The following B4GALNT2 variants were observed in gnomAD, a reference collection of about 807,000 sequenced individuals.
B4GALNT2 encodes N-acetylneuraminylgalactosylglucosyl-glucoside beta-1,4-N- acetylgalactosaminyltransferase 2.
Under a neutral mutation model 51.1 loss-of-function variants are expected in B4GALNT2, and 42 were observed. The ratio of observed to expected loss-of-function variants is 0.82; its 90% CI spans 0.64 to 1.06. B4GALNT2 has a LOEUF of 1.06. Ranked by LOEUF, B4GALNT2 falls within the 50% of genes least tolerant of loss-of-function variation. The pLI is 0.00. For synonymous variants in B4GALNT2, 253 were observed against 251.7 expected (o/e 1.01, Z -0.05); for missense variants, 602 against 633.6 (o/e 0.95, Z 0.54).
intron 3 of B4GALNT2, among the ~76,000 whole-genome samples, chr17:49,149,645 G>A (rs761306755): frequency 6.6e-6 from 1 of 152,078 alleles, no homozygotes; most frequent in African/African-American, 2.4e-5. Context: ...GTGAGACTTC[G>A]TCTCAGAAAA....
chr17:49,135,669 G>A (rs1013908541), intron 1 of B4GALNT2, among the ~76,000 whole-genome samples: 1 of 152,104 alleles, frequency 6.6e-6, no homozygotes, highest in African/African-American at 2.4e-5. Flanking sequence ...TGTGGTGTGT[G>A]CCTATAGTCC....
rs2042962442 is a variant in B4GALNT2, at chr17:49,172,329, T to C, written c.*2601T>C. On this transcript the variant is annotated 3_prime_UTR_variant, in exon 11 of 11. Transcript: ENST00000393354. Reference sequence around the variant, plus strand: ...TCTTGATGGCACCCAAATTGGCTATTGATTCGGTCCTGGAGAAACACAAGC... The same window carrying C: ...TCTTGATGGCACCCAAATTGGCTATCGATTCGGTCCTGGAGAAACACAAGC... 1.8e-5 allele frequency: 3 copies of C among 165,166 alleles called. 1 individual carries two copies. Among genetic ancestry groups the C allele is most frequent in the Non-Finnish European group, 4.0e-5 (3 of 75,916 alleles). The allele number at this position is 165,166 out of a possible 1,614,324, so 10.2% of individuals were successfully genotyped here.
intron 1 of B4GALNT2, 101 bp from the exon 2 acceptor site, chr17:49,141,146 A>C: frequency 8.9e-7 from 1 of 1,122,562 alleles, no homozygotes; most frequent in Non-Finnish European, 1.3e-6. Context: ...AATATAAGCT[A>C]TGTGCTTAGC....
chr17:49,141,959 G>T, intron 2 of B4GALNT2, 76 bp from the exon 3 acceptor site: 1 of 1,564,256 alleles, frequency 6.4e-7, no homozygotes, highest in South Asian at 1.1e-5. Context: ...CTACACACTG[G>T]ATTAGGACTC....
At chr17:49,149,452 C>G (rs776042180) in intron 3 of B4GALNT2, among the ~76,000 whole-genome samples, 1 of 152,030 alleles carries the variant, frequency 6.6e-6, no homozygotes, top group African/African-American at 2.4e-5. Context: ...TCGATACCAG[C>G]CTGGCCAACA....
chr17:49,142,473 T>C (rs1259980592), intron 3 of B4GALNT2, among the ~76,000 whole-genome samples: 1 of 152,176 alleles, frequency 6.6e-6, no homozygotes, highest in African/African-American at 2.4e-5. Context: ...GAGGATAGCT[T>C]GAGCCCAGGA....
upstream of B4GALNT2, among the ~76,000 whole-genome samples, chr17:49,131,513 C>G (rs2042539093): frequency 8.1e-6 from 1 of 123,882 alleles, no homozygotes; most frequent in Non-Finnish European, 1.7e-5. Flanking sequence ...CTTTTTTTCC[C>G]TTTTTTTGAG....
chr17:49,133,249 G>T, intron 1 of B4GALNT2: 1 of 1,466,026 alleles, frequency 6.8e-7, no homozygotes, highest in Non-Finnish European at 8.9e-7. Context: ...CGGGGACTGC[G>T]GGCTGTGGAC....
chr17:49,132,766 G>C, upstream of B4GALNT2: 3 of 1,387,196 alleles, frequency 2.2e-6, no homozygotes, highest in Non-Finnish European at 2.8e-6. Flanking sequence ...CGTGACATCC[G>C]GCAGTCTGAG....
chr17:49,155,405 C>T (rs905672185), intron 4 of B4GALNT2, among the ~76,000 whole-genome samples: 11 of 149,700 alleles, frequency 7.3e-5, no homozygotes, highest in African/African-American at 2.7e-4. Flanking sequence ...GAGTTTGAAA[C>T]CAGCCTGACC....
intron 4 of B4GALNT2, among the ~76,000 whole-genome samples, chr17:49,156,289 G>A (rs7216319): frequency 0.19 from 28,179 of 152,086 alleles, 3,101 homozygotes; most frequent in South Asian, 0.3. Flanking sequence ...CCCCTTCAGT[G>A]ACAGAGATTC....
rs565454097 is a variant in B4GALNT2, at chr17:49,175,625, G to T, written c.*5897G>T. ...TGTGGCACTACTGGCTGTCGTGGGG[G>T]ACAGACATTGTACAGGGGTGAGGGA... On this transcript the variant is annotated 3_prime_UTR_variant, in exon 11 of 11. Transcript: ENST00000393354. 8 of 152,284 alleles carry T rather than the reference G, an allele frequency of 5.3e-5. No individual in the cohort carries two copies. The East Asian group carries it at 1.5e-3, about 29-fold the overall frequency. 9.4% of individuals were successfully genotyped at this position (152,284 alleles called of 1,614,324 possible).
chr17:49,148,838 A>G (rs1238077452), intron 3 of B4GALNT2: 5 of 271,024 alleles, frequency 1.8e-5, no homozygotes, highest in Non-Finnish European at 3.5e-5. Context: ...CAGGCGGATC[A>G]CGAGGTCAAG....
intron 1 of B4GALNT2, among the ~76,000 whole-genome samples, chr17:49,135,587 C>T (rs940547621): frequency 1.3e-5 from 2 of 151,934 alleles, no homozygotes; most frequent in African/African-American, 4.8e-5. Context: ...ATCTTCCTTG[C>T]TATTCTTATG....
chr17:49,133,039 G>T (rs577387342), intron 1 of B4GALNT2: 1 of 1,495,940 alleles, frequency 6.7e-7, no homozygotes, highest in Admixed American at 2.8e-5. Context: ...GGGAGCGCTG[G>T]CTTTTCCGTG....
chr17:49,170,033 A>T lies in B4GALNT2; in HGVS notation c.*305A>T, dbSNP rs1371631669. On this transcript the variant is annotated 3_prime_UTR_variant, in exon 11 of 11. Transcript: ENST00000393354. Reference sequence around the variant, plus strand: ...TCTCATCTGATATCACACAAAGATGACATTGGTTGGTGTCCTCAGTCAAAA... The same window carrying T: ...TCTCATCTGATATCACACAAAGATGTCATTGGTTGGTGTCCTCAGTCAAAA... The T allele has an allele frequency of 7.8e-6, 2 of 256,560 alleles. No individual in the cohort carries two copies. Among genetic ancestry groups the T allele is most frequent in the African/African-American group, 4.4e-5 (2 of 45,132 alleles). 15.9% of individuals were successfully genotyped at this position (256,560 alleles called of 1,614,324 possible). A position where few individuals can be genotyped will look rare whatever the true frequency, so the allele number is the denominator to read the frequency against.
At chr17:49,125,735 T>A in the B4GALNT2 span, among the ~76,000 whole-genome samples, 1 of 112,546 alleles carries the variant, frequency 8.9e-6, no homozygotes, top group Non-Finnish European at 1.9e-5. Context: ...GGCCGCCCCG[T>A]CCCGGAGGGA....
At position 49,171,547 on chromosome 17, in the gene B4GALNT2, C is replaced by T. The variant is rs2042957659; in HGVS notation, c.*1819C>T. The T allele has an allele frequency of 9.6e-6, 4 of 416,056 alleles. No individual in the cohort carries two copies. The highest frequency in any genetic ancestry group is 8.2e-4 in the Middle Eastern group (1 of 1,222). The allele number at this position is 416,056 out of a possible 1,614,324, so 25.8% of individuals were successfully genotyped here. A position where few individuals can be genotyped will look rare whatever the true frequency, so the allele number is the denominator to read the frequency against. ...AGTTTCCACAAATCCTTATGTTTAGCTTCTACAGTGGACCATATCATTTGA... is the reference window on the plus strand; with the variant it reads ...AGTTTCCACAAATCCTTATGTTTAGTTTCTACAGTGGACCATATCATTTGA... On this transcript the variant is annotated 3_prime_UTR_variant, in exon 11 of 11. Coordinates refer to ENST00000393354, the MANE Select transcript of B4GALNT2 (RefSeq NM_001159387.2).
the B4GALNT2 span, among the ~76,000 whole-genome samples, chr17:49,124,380 C>T: frequency 6.6e-6 from 1 of 152,110 alleles, no homozygotes; most frequent in South Asian, 2.1e-4. Context: ...CTAAAGAGGA[C>T]CAAAACAAGA....
Sources: gnomAD v4.1 joint callset for allele counts (sites outside exome capture counted in the v4.1 genomes callset) on GRCh38, gnomAD v4.1.1 for gene constraint, MANE v1.5 for transcripts, NCBI Gene and HGNC (gene_info 2026-07-23, HGNC 2026-07-21) for gene names.